The following SPTY2D1 variants were observed in gnomAD, a reference collection of about 807,000 sequenced individuals.
The protein encoded by SPTY2D1 is SPT2 chromatin protein domain containing 1, also known as protein SPT2 homolog.
A neutral mutation model predicts 64.0 loss-of-function variants in SPTY2D1; 21 were observed. The observed-to-expected ratio is 0.33, with a 90% CI of 0.23 to 0.47. SPTY2D1 has a LOEUF of 0.47. Among genes scored for constraint, SPTY2D1 ranks in the 20% least tolerant of loss-of-function variants. The pLI, the probability that SPTY2D1 is intolerant of heterozygous loss-of-function variation, is 1.00. For missense variants in SPTY2D1, 724 were observed against 837.2 expected (o/e 0.86, Z 1.67); for synonymous variants, 287 against 286.8 (o/e 1.00, Z -0.01).
intron 1 of SPTY2D1, among the ~76,000 whole-genome samples, chr11:18,617,289 TA>T (rs566011193): frequency 2.0e-3 from 311 of 152,312 alleles, no homozygotes; most frequent in African/African-American, 7.0e-3. Flanking sequence ...ACTGGGTAAC[TA>T]AATGAAATCA....
chr11:18,622,728 G>A (rs1854434419), intron 1 of SPTY2D1, among the ~76,000 whole-genome samples: 1 of 152,062 alleles, frequency 6.6e-6, no homozygotes, highest in Admixed American at 6.6e-5. Context: ...GAGGCGGGCA[G>A]ATCACCTGAG....
chr11:18,622,101 A>AAAAAAACAAAAAC (rs71050618), intron 1 of SPTY2D1, among the ~76,000 whole-genome samples: 1 of 81,282 alleles, frequency 1.2e-5, no homozygotes, highest in African/African-American at 3.1e-5. Context: ...AAAAAAAAAA[A>AAAAAAACAAAAAC]AAACCAAAAC....
rs768884194 is a variant in SPTY2D1 at position 18,622,101 on chromosome 11, A to AAC, written c.61-5113_61-5112insGT. On this transcript the variant is annotated intron_variant, in intron 1 of 5. Transcript: ENST00000336349. ...GACCCTATCTCAAAAAAAAAAAAAA[A>AAC]AAACCAAAACCAAAACCAAAAAAAC... Among the ~76,000 whole-genome samples, 6 of 81,282 alleles carry AAC rather than the reference A, an allele frequency of 7.4e-5. 2 individuals carry two copies. Among genetic ancestry groups the AAC allele is most frequent in the Non-Finnish European group, 1.7e-4 (6 of 34,844 alleles). The allele number at this position is 81,282 out of a possible 152,430, so 53.3% of individuals were successfully genotyped here.
rs761842311 is a variant in SPTY2D1, at chr11:18,614,633, G to C, written c.1641C>G (p.Ile547Met). 6.8e-6 allele frequency: 11 copies of C among 1,614,138 alleles called. 1 individual carries two copies. In the East Asian group the frequency reaches 2.4e-4, roughly 36 times the overall value. ...TCTGTCCATTGCTGGACCGGCTAATGATATTCTTGGAAGAAATTGTTTCGG... is the reference window on the plus strand; with the variant it reads ...TCTGTCCATTGCTGGACCGGCTAATCATATTCTTGGAAGAAATTGTTTCGG... ...VVSETISSKN[I>M]ISRSSNGQMN... The change falls in exon 3 of 6, where the codon ATC becomes ATG. Residue 547 changes from isoleucine to methionine, a missense_variant. By Grantham distance (10) the Ile-to-Met change is conservative (BLOSUM62 1). This residue lies in a region of SPTY2D1 where 426 missense variants were observed against 431.8 expected (regional missense o/e 0.99). Transcript: ENST00000336349.
chr11:18,615,789 C>G lies in SPTY2D1; in HGVS notation c.485G>C (p.Ser162Thr). ...VESKPKVPLKSAPPPMNFTDL... is the reference protein window; with the variant it reads ...VESKPKVPLKTAPPPMNFTDL... Reference sequence around the variant, plus strand: ...AGTGAAGTTCATGGGTGGTGGGGCACTTTTAAGGGGGACCTTTGGTTTGCT... The same window carrying G: ...AGTGAAGTTCATGGGTGGTGGGGCAGTTTTAAGGGGGACCTTTGGTTTGCT... Residue 162 changes from serine to threonine, a missense_variant, in exon 3 of 6, where the codon AGT (serine) becomes ACT (threonine). Physicochemically the swap from Ser to Thr is moderately conservative, Grantham distance 58. Around this residue, in one of 3 missense-constraint regions of SPTY2D1, gnomAD observed 179 missense variants for 232.5 expected, o/e 0.77. Coordinates refer to ENST00000336349, the MANE Select transcript of SPTY2D1 (RefSeq NM_194285.3). 3.7e-6 allele frequency: 6 copies of G among 1,614,102 alleles called. No individual in the cohort carries two copies. The highest frequency in any genetic ancestry group is 5.1e-6 in the Non-Finnish European group (6 of 1,179,996).
chr11:18,614,508 C>G, intron 3 of SPTY2D1, 55 bp downstream of exon 3: 1 of 1,524,610 alleles, frequency 6.6e-7, no homozygotes, highest in South Asian at 1.3e-5. Context: ...TATAAAAACT[C>G]TTTCCAATTT....
intron 1 of SPTY2D1, among the ~76,000 whole-genome samples, chr11:18,627,466 G>T (rs945469738): frequency 1.3e-5 from 2 of 151,524 alleles, no homozygotes; most frequent in African/African-American, 4.9e-5. Context: ...CCCTTCACCG[G>T]GCGTGGTGGC....
rs1300708838 is a variant in SPTY2D1 at position 18,609,957 on chromosome 11, G to A, written c.1965-3C>T. Reference sequence around the variant, plus strand: ...CCTCTTGCATACCCAGTCTTAAGCTGCCAAAGAATTTTTAAAGGGTATTTG... The same window carrying A: ...CCTCTTGCATACCCAGTCTTAAGCTACCAAAGAATTTTTAAAGGGTATTTG... On this transcript the variant is annotated splice_polypyrimidine_tract_variant and splice_region_variant and intron_variant, in intron 5 of 5. Transcript: ENST00000336349. 3 of 1,612,070 alleles carry A rather than the reference G, an allele frequency of 1.9e-6. No individual in the cohort carries two copies. Among genetic ancestry groups the A allele is most frequent in the Non-Finnish European group, 2.5e-6 (3 of 1,179,452 alleles).
In SPTY2D1 at chr11:18,608,870, A is replaced by G. The variant is rs947520486; in HGVS notation, c.*991T>C. 1.3e-5 allele frequency: 2 copies of G among 152,570 alleles called. No homozygotes were observed. The highest frequency in any genetic ancestry group is 4.8e-5 in the African/African-American group (2 of 41,420). The allele number at this position is 152,570 out of a possible 1,614,324, so 9.5% of individuals were successfully genotyped here. A position where few individuals can be genotyped will look rare whatever the true frequency, so the allele number is the denominator to read the frequency against. ...GTGGTGCTCTCGATACCATAAATTT[A>G]GTTTTTGGTTTTCTGCCATTAATAT... On this transcript the variant is annotated 3_prime_UTR_variant, in exon 6 of 6. Transcript: ENST00000336349.
Position 18,615,062 on chromosome 11 carries a change from G to A in SPTY2D1, c.1212C>T (p.Ser404=), listed in dbSNP as rs1489210394. ...TGATTGATCGCTCAGGTCCTGAGCT[G>A]GAGCTGCCATTCTGGCGCCTAGGCA... is the stretch of plus-strand genomic sequence containing the variant. The part of the protein sequence containing the change: ...GPVPRRQNGS[S]SSGPERSISG... The change falls in exon 3 of 6, where the codon TCC becomes TCT. Residue 404 remains serine, a synonymous_variant. Coordinates refer to ENST00000336349, the MANE Select transcript of SPTY2D1 (RefSeq NM_194285.3). 3 of 1,614,176 alleles carry A rather than the reference G, an allele frequency of 1.9e-6. No homozygotes were observed. Among genetic ancestry groups the A allele is most frequent in the South Asian group, 2.2e-5 (2 of 91,090 alleles).
chr11:18,626,016 C>T (rs770766266), intron 1 of SPTY2D1, among the ~76,000 whole-genome samples: 1 of 152,028 alleles, frequency 6.6e-6, no homozygotes, highest in African/African-American at 2.4e-5. Context: ...AGACAGGTTT[C>T]ACCACGTTGG....
chr11:18,612,588 T>A lies in SPTY2D1; in HGVS notation c.1712-100A>T. On this transcript the variant is annotated intron_variant, in intron 3 of 5. Coordinates refer to ENST00000336349, the MANE Select transcript of SPTY2D1 (RefSeq NM_194285.3). This position sits in a 1 kb window ranked among gnomAD's most constrained non-coding sequence, Gnocchi z 4.6. ...GAGTCATCATTAAGATGGTATCCTT[T>A]AAAACCAGAGCAAGCAGGCTGGCCC... 2.7e-6 allele frequency: 3 copies of A among 1,103,494 alleles called. No homozygotes were observed. Among genetic ancestry groups the A allele is most frequent in the Non-Finnish European group, 3.7e-6 (3 of 810,890 alleles). The allele number at this position is 1,103,494 out of a possible 1,614,324, so 68.4% of individuals were successfully genotyped here.
rs188541961 is a variant in SPTY2D1 at position 18,630,012 on chromosome 11, T to C, written c.60+4186A>G. 5.1e-3 allele frequency among the ~76,000 whole-genome samples: 771 copies of C among 150,074 alleles called. 10 individuals are homozygous for C. The highest frequency in any genetic ancestry group is 0.017 in the African/African-American group (698 of 40,672). On this transcript the variant is annotated intron_variant, in intron 1 of 5. Transcript: ENST00000336349. ...GGTGAAACCCCATCTCTACTAAAAA[T>C]ACAAAAATTAGCTGGGCGTGGTGGT...
At chr11:18,620,549 A>T (rs1854377728) in intron 1 of SPTY2D1, among the ~76,000 whole-genome samples, 1 of 152,062 alleles carries the variant, frequency 6.6e-6, no homozygotes, top group South Asian at 2.1e-4. Context: ...CCACAAAATG[A>T]CTGACTTGAA....
rs760753184 is a variant in SPTY2D1 at position 18,615,619 on chromosome 11, T to G, written c.655A>C (p.Thr219Pro). ...ACAGTTGGAGGTAGTTTTCCATCTG[T>G]CTCAAGTTTTTTTCTCCTATGCTTT... The part of the protein sequence containing the change: ...ERKHRRKKLE[T>P]DGKLPPTVSK... Residue 219 changes from threonine to proline, a missense_variant, in exon 3 of 6, where the codon ACA becomes CCA. By Grantham distance (38) the Thr-to-Pro change is conservative. Coordinates refer to ENST00000336349, the MANE Select transcript of SPTY2D1 (RefSeq NM_194285.3). 1.4e-5 allele frequency: 23 copies of G among 1,614,200 alleles called. 1 individual carries two copies. The South Asian group carries it at 2.5e-4, about 18-fold the overall frequency.
chr11:18,620,487 A>G (rs1003917871), intron 1 of SPTY2D1, among the ~76,000 whole-genome samples: 7 of 151,914 alleles, frequency 4.6e-5, no homozygotes, highest in African/African-American at 1.7e-4. Flanking sequence ...TCAAAAAAAC[A>G]AAAACAAAAA....
intron 1 of SPTY2D1, among the ~76,000 whole-genome samples, chr11:18,626,289 A>G (rs1228546802): frequency 2.6e-5 from 4 of 152,164 alleles, no homozygotes; most frequent in Non-Finnish European, 5.9e-5. Flanking sequence ...TCTGTTAACC[A>G]TGCTGGCACT....
intron 1 of SPTY2D1, among the ~76,000 whole-genome samples, chr11:18,629,826 A>C (rs1398880554): frequency 6.6e-6 from 1 of 152,168 alleles, no homozygotes; most frequent in Non-Finnish European, 1.5e-5. Flanking sequence ...AAAAATGATG[A>C]TTAGGGAAAT....
chr11:18,628,846 T>C (rs2166519), intron 1 of SPTY2D1, among the ~76,000 whole-genome samples: 55,189 of 152,106 alleles, frequency 0.36, 11,408 homozygotes, highest in Middle Eastern at 0.49. Flanking sequence ...AAAGAAAATG[T>C]AACTACTATG....
Sources: allele counts gnomAD v4.1 joint callset (sites outside exome capture counted in the v4.1 genomes callset), GRCh38; gene constraint gnomAD v4.1.1; regional missense constraint gnomAD v4.1.1; non-coding constraint Gnocchi (gnomAD v3.1); transcripts MANE v1.5; gene names NCBI Gene and HGNC (gene_info 2026-07-23, HGNC 2026-07-21).